The following DCC variants were observed in gnomAD, a reference collection of about 807,000 sequenced individuals.
The protein encoded by DCC is netrin receptor DCC.
DCC carries 58 observed loss-of-function variants against 172.5 expected under a neutral mutation model. The observed-to-expected ratio is 0.34, with a 90% CI of 0.27 to 0.42. DCC has a LOEUF of 0.42. Ranked by LOEUF, DCC falls within the 10% of genes least tolerant of loss-of-function variation. The pLI is 1.00. For synonymous variants in DCC, 709 were observed against 644.5 expected, an observed-to-expected ratio of 1.10 and a Z score of -1.52; for missense variants, 1,740 against 1,791.0, an observed-to-expected ratio of 0.97 and a Z score of 0.51.
At chr18:52,415,868 T>C (rs913513766) in intron 1 of DCC, among the ~76,000 whole-genome samples, 1 of 152,204 alleles carries the variant, frequency 6.6e-6, no homozygotes, top group African/African-American at 2.4e-5. Context: ...GTGTCTCTAT[T>C]TCCTTCAGTT....
chr18:53,190,338 G>T (rs186637207), intron 9 of DCC, among the ~76,000 whole-genome samples: 22 of 152,234 alleles, frequency 1.4e-4, no homozygotes, highest in African/African-American at 5.1e-4. Flanking sequence ...TATCCTGTAA[G>T]CAAGAATTCT....
intron 12 of DCC, among the ~76,000 whole-genome samples, chr18:53,255,065 G>A (rs909984541): frequency 2.0e-5 from 3 of 151,932 alleles, no homozygotes; most frequent in Non-Finnish European, 4.4e-5. Context: ...GTCCACGTCT[G>A]AAAGTGCTTT....
chr18:52,604,045 G>A (rs1347377637), intron 1 of DCC, among the ~76,000 whole-genome samples: 3 of 151,944 alleles, frequency 2.0e-5, no homozygotes, highest in Non-Finnish European at 4.4e-5. Flanking sequence ...TTAAGTAAAG[G>A]TGGCATCTAA....
chr18:53,300,499 G>A (rs909950689), intron 12 of DCC, among the ~76,000 whole-genome samples: 4 of 152,116 alleles, frequency 2.6e-5, no homozygotes, highest in Non-Finnish European at 5.9e-5. Flanking sequence ...CTAAGAGCAA[G>A]AAGGCTGCGA....
At chr18:52,463,087 G>T (rs993006504) in intron 1 of DCC, among the ~76,000 whole-genome samples, 5 of 152,170 alleles carry the variant, frequency 3.3e-5, no homozygotes, top group African/African-American at 1.2e-4. Context: ...CGTAATAGCT[G>T]CATTTACTGG....
At chr18:52,585,801 C>T (rs914364787) in intron 1 of DCC, among the ~76,000 whole-genome samples, 2 of 152,048 alleles carry the variant, frequency 1.3e-5, no homozygotes, top group Non-Finnish European at 2.9e-5. Context: ...CCAACACTGT[C>T]GGCCGGGCGC....
intron 2 of DCC, 91 bp downstream of exon 2, chr18:52,752,465 A>AT (rs1487489447): frequency 2.4e-5 from 24 of 980,868 alleles, no homozygotes; most frequent in Non-Finnish European, 3.4e-5. Context: ...TGTAGAAATA[A>AT]TGTACATTTT....
chr18:52,352,411 C>T (rs1288603326), intron 1 of DCC, among the ~76,000 whole-genome samples: 2 of 152,148 alleles, frequency 1.3e-5, no homozygotes, highest in Non-Finnish European at 2.9e-5. Flanking sequence ...GGACCCTGGT[C>T]CCATGCCTTT....
chr18:53,266,491 A>G (rs929272101), intron 12 of DCC, among the ~76,000 whole-genome samples: 1 of 152,178 alleles, frequency 6.6e-6, no homozygotes, highest in African/African-American at 2.4e-5. Flanking sequence ...TTGAGACTCA[A>G]CCCAATGCCT....
intron 1 of DCC, among the ~76,000 whole-genome samples, chr18:52,410,079 T>C (rs939156063): frequency 1.3e-5 from 2 of 152,062 alleles, no homozygotes; most frequent in Non-Finnish European, 2.9e-5. Context: ...GTCATGAAAA[T>C]GTAGGATACC....
At chr18:52,717,846 C>T (rs948859653) in intron 1 of DCC, among the ~76,000 whole-genome samples, 2 of 152,264 alleles carry the variant, frequency 1.3e-5, no homozygotes, top group South Asian at 2.1e-4. Flanking sequence ...AGTCCACATA[C>T]ATAAAATTCA....
intron 2 of DCC, among the ~76,000 whole-genome samples, chr18:52,803,181 C>T (rs574522057): frequency 4.6e-5 from 7 of 152,150 alleles, no homozygotes; most frequent in African/African-American, 1.7e-4. Context: ...CGTATGGGTC[C>T]CATGGTGTTA....
chr18:52,920,020 CAAAAAA>C (rs373883714), intron 3 of DCC, among the ~76,000 whole-genome samples: 6 of 100,172 alleles, frequency 6.0e-5, no homozygotes, highest in African/African-American at 1.5e-4. Flanking sequence ...TGTCCATATA[CAAAAAA>C]AAAAAAAAAA....
intron 24 of DCC, among the ~76,000 whole-genome samples, chr18:53,462,633 G>A (rs915252459): frequency 2.6e-5 from 4 of 151,956 alleles, no homozygotes; most frequent in African/African-American, 9.7e-5. Flanking sequence ...TCCTGAAACC[G>A]TACCCTGCCC....
At chr18:53,035,962 A>C (rs2042087109) in intron 5 of DCC, among the ~76,000 whole-genome samples, 1 of 151,992 alleles carries the variant, frequency 6.6e-6, no homozygotes. Context: ...ATGCTCATTC[A>C]TCATTGTCAC....
chr18:53,023,879 G>A (rs77137563), intron 5 of DCC, among the ~76,000 whole-genome samples: 3,631 of 152,240 alleles, frequency 0.024, 65 homozygotes, highest in Admixed American at 0.05. Flanking sequence ...CCTGCCTGCA[G>A]ATGCCCCAAA....
At chr18:53,260,948 C>T (rs941940343) in intron 12 of DCC, among the ~76,000 whole-genome samples, 1 of 152,116 alleles carries the variant, frequency 6.6e-6, no homozygotes, top group African/African-American at 2.4e-5. Flanking sequence ...AGTTTGATAT[C>T]AGACTGCTGT....
At chr18:52,400,891 A>C (rs1986411060) in intron 1 of DCC, among the ~76,000 whole-genome samples, 1 of 151,802 alleles carries the variant, frequency 6.6e-6, no homozygotes, top group Non-Finnish European at 1.5e-5. Context: ...GGAGTTGGAC[A>C]GTGAGAACAC....
intron 2 of DCC, among the ~76,000 whole-genome samples, chr18:52,753,888 C>T (rs2037036773): frequency 1.3e-5 from 2 of 152,026 alleles, no homozygotes; most frequent in South Asian, 4.1e-4. Flanking sequence ...AAGATTTGAC[C>T]AAAACCTGTC....
Sources: allele counts gnomAD v4.1 joint callset (sites outside exome capture counted in the v4.1 genomes callset), GRCh38; gene constraint gnomAD v4.1.1; transcripts MANE v1.5; gene names NCBI Gene and HGNC (gene_info 2026-07-23, HGNC 2026-07-21).